SCN8A: variants seen among roughly 807,000 people sequenced by gnomAD.
The protein encoded by SCN8A is sodium channel protein type 8 subunit alpha.
Under a neutral mutation model 184.1 loss-of-function variants are expected in SCN8A, and 30 were observed. The observed-to-expected ratio is 0.16, with a 90% CI of 0.12 to 0.22. The LOEUF (loss-of-function observed/expected upper bound fraction) is 0.22, where lower values mean the gene tolerates loss of function less well. Ranked by LOEUF, SCN8A falls within the 10% of genes least tolerant of loss-of-function variation. The pLI is 1.00. For synonymous variants in SCN8A, 852 were observed against 907.0 expected, an observed-to-expected ratio of 0.94 and a Z score of 1.09; for missense variants, 1,057 against 2,498.9, an observed-to-expected ratio of 0.42 and a Z score of 12.30.
At chr12:51,739,765 A>G (rs994448230) in intron 12 of SCN8A, among the ~76,000 whole-genome samples, 7 of 152,144 alleles carry the variant, frequency 4.6e-5, no homozygotes, top group African/African-American at 1.4e-4. Flanking sequence ...CTTGCGCGAG[A>G]CCAGCTCGGT....
At chr12:51,636,021 A>G (rs548091093) in intron 1 of SCN8A, among the ~76,000 whole-genome samples, 4 of 152,076 alleles carry the variant, frequency 2.6e-5, no homozygotes, top group Non-Finnish European at 5.9e-5. Context: ...TTGAGACGCA[A>G]TCTCGCTCTG....
At chr12:51,786,346 A>T (rs935766810) in intron 21 of SCN8A, among the ~76,000 whole-genome samples, 196 bp from the exon 22 acceptor site, 1 of 152,250 alleles carries the variant, frequency 6.6e-6, no homozygotes, top group African/African-American at 2.4e-5. Flanking sequence ...GTAACTTTTT[A>T]AAATTCCTTC....
intron 6 of SCN8A, chr12:51,689,693 A>T (rs1941475543): frequency 6.6e-6 from 1 of 152,616 alleles, no homozygotes. Context: ...GAACCAGTAG[A>T]CATCTACTGT....
chr12:51,671,655 CAT>C (rs1941133683), intron 2 of SCN8A, among the ~76,000 whole-genome samples: 1 of 152,144 alleles, frequency 6.6e-6, no homozygotes, highest in Non-Finnish European at 1.5e-5. Context: ...AATAATTAAA[CAT>C]ATTTTAAGTG....
At chr12:51,617,111 G>A (rs1939857372) in intron 1 of SCN8A, among the ~76,000 whole-genome samples, 1 of 152,110 alleles carries the variant, frequency 6.6e-6, no homozygotes, top group Non-Finnish European at 1.5e-5. Context: ...CCTGTTTGGT[G>A]ATCACTGAGT....
chr12:51,737,899 A>C (rs1942353781), intron 12 of SCN8A, among the ~76,000 whole-genome samples: 1 of 152,164 alleles, frequency 6.6e-6, no homozygotes, highest in Non-Finnish European at 1.5e-5. Context: ...TAATTACGAA[A>C]ACTGGAGAAT....
At chr12:51,665,213 T>G (rs1469928833) in intron 2 of SCN8A, among the ~76,000 whole-genome samples, 1 of 152,230 alleles carries the variant, frequency 6.6e-6, no homozygotes, top group Non-Finnish European at 1.5e-5. Flanking sequence ...ATGCCTCAGA[T>G]TTCAGTGGCC....
At chr12:51,749,301 G>A (rs1477507158) in intron 13 of SCN8A, among the ~76,000 whole-genome samples, 1 of 152,136 alleles carries the variant, frequency 6.6e-6, no homozygotes. Context: ...GCCCTGTAGG[G>A]CAGGAAAACC....
At chr12:51,752,329 A>G (rs1252203489) in intron 14 of SCN8A, among the ~76,000 whole-genome samples, 1 of 151,948 alleles carries the variant, frequency 6.6e-6, no homozygotes, top group Admixed American at 6.6e-5. Flanking sequence ...GGCATGTCCA[A>G]ATCTGGCTAT....
chr12:51,648,346 G>A (rs1940637005), intron 1 of SCN8A, among the ~76,000 whole-genome samples: 1 of 152,132 alleles, frequency 6.6e-6, no homozygotes, highest in South Asian at 2.1e-4. Flanking sequence ...GGGACTATAG[G>A]CATGCCACCA....
intron 6 of SCN8A, 33 bp downstream of exon 6, chr12:51,689,129 C>T (rs1395929878): frequency 1.4e-6 from 2 of 1,466,110 alleles, no homozygotes; most frequent in African/African-American, 2.8e-5. Flanking sequence ...CTGACTTTGC[C>T]ACATCTCCTC....
At chr12:51,611,804 T>A (rs1222152131) in intron 1 of SCN8A, among the ~76,000 whole-genome samples, 2 of 152,156 alleles carry the variant, frequency 1.3e-5, no homozygotes, top group African/African-American at 4.8e-5. Context: ...CTAATGTAAA[T>A]TTTTCTATTT....
intron 20 of SCN8A, among the ~76,000 whole-genome samples, chr12:51,778,169 C>A (rs2138886154): frequency 6.6e-6 from 1 of 152,230 alleles, no homozygotes; most frequent in African/African-American, 2.4e-5. Context: ...CCTAATAGGG[C>A]AACATTTACT....
At chr12:51,801,551 CT>C (rs1248962980) in intron 26 of SCN8A, among the ~76,000 whole-genome samples, 2 of 152,178 alleles carry the variant, frequency 1.3e-5, no homozygotes, top group African/African-American at 4.8e-5. Context: ...AGTGGGCCAT[CT>C]TTTGATCCAC....
In SCN8A at chr12:51,697,231, G is replaced by A. The variant is rs1294792492; in HGVS notation, c.707-2339G>A. ...GCTTCATAATCCCTTTGTGGCCACA[G>A]TCTCCATGGAAGGCTCACTCTAAGA... On this transcript the variant is annotated intron_variant, in intron 6 of 26. Transcript: ENST00000627620. Among the ~76,000 whole-genome samples, 3 of 152,044 alleles carry A rather than the reference G, an allele frequency of 2.0e-5. No homozygotes were observed. The East Asian group carries it at 5.8e-4, about 29-fold the overall frequency.
intron 11 of SCN8A, among the ~76,000 whole-genome samples, chr12:51,716,526 C>G (rs1005765949): frequency 6.6e-6 from 1 of 152,120 alleles, no homozygotes; most frequent in African/African-American, 2.4e-5. Context: ...AAATAAAGAC[C>G]TGCGGTAGGG....
chr12:51,698,429 G>T lies in SCN8A; in HGVS notation c.707-1141G>T, dbSNP rs187343433. 1.8e-4 allele frequency among the ~76,000 whole-genome samples: 27 copies of T among 152,330 alleles called. No homozygotes were observed. The East Asian group carries it at 5.2e-3, about 29-fold the overall frequency. On this transcript the variant is annotated intron_variant, in intron 6 of 26. Coordinates refer to ENST00000627620, the MANE Select transcript of SCN8A (RefSeq NM_001330260.2). ...AGGGATGAGATTCTTCCTGAGGCCT[G>T]TGTGTCAAGGCTTAGCGCCTGCCTC...
Position 51,705,431 on chromosome 12 carries a change from C to T in SCN8A, c.1149C>T (p.Ala383=), listed in dbSNP as rs201402959. 7.5e-5 allele frequency: 121 copies of T among 1,613,786 alleles called. No individual in the cohort carries two copies. The highest frequency in any genetic ancestry group is 1.8e-4 in the East Asian group (8 of 44,888). The change falls in exon 10 of 27, where the codon GCC becomes GCT. Residue 383 remains alanine (A), a synonymous_variant. Coordinates refer to ENST00000627620, the MANE Select transcript of SCN8A (RefSeq NM_001330260.2). ...ENLYQLTLRA[A]GKTYMIFFVL... ...TGTCTTTGCAGACTTTACGAGCAGC[C>T]GGGAAAACATACATGATCTTCTTCG...
intron 11 of SCN8A, among the ~76,000 whole-genome samples, chr12:51,717,523 A>T (rs1941985240): frequency 1.3e-5 from 2 of 152,324 alleles, no homozygotes; most frequent in South Asian, 4.1e-4. Flanking sequence ...CCTGTGAATC[A>T]CACCGAGCAG....
Sources: allele counts gnomAD v4.1 joint callset (sites outside exome capture counted in the v4.1 genomes callset), GRCh38; gene constraint gnomAD v4.1.1; transcripts MANE v1.5; gene names NCBI Gene and HGNC (gene_info 2026-07-23, HGNC 2026-07-21).